TMC2: variants seen among roughly 807,000 people sequenced by gnomAD.
The protein encoded by TMC2 is transmembrane channel like 2.
A neutral mutation model predicts 105.9 loss-of-function variants in TMC2; 102 were observed. The ratio of observed to expected loss-of-function variants is 0.96; its 90% CI spans 0.82 to 1.14. The LOEUF (loss-of-function observed/expected upper bound fraction) is 1.14. Ranked by LOEUF, TMC2 falls within the 50% of genes most tolerant of loss-of-function variation. The pLI, the probability that TMC2 is intolerant of heterozygous loss-of-function variation, is 0.00. For missense variants in TMC2, 1,093 were observed against 1,134.3 expected (o/e 0.96, Z 0.52); for synonymous variants, 402 against 422.8 (o/e 0.95, Z 0.60).
chr20:2,550,016 C>T (rs1433113338), intron 2 of TMC2, among the ~76,000 whole-genome samples: 1 of 152,042 alleles, frequency 6.6e-6, no homozygotes, highest in Non-Finnish European at 1.5e-5. Flanking sequence ...AACCCCGTCT[C>T]TACTAAAAAT....
chr20:2,606,448 C>G (rs2086392363), intron 11 of TMC2, among the ~76,000 whole-genome samples: 1 of 152,078 alleles, frequency 6.6e-6, no homozygotes, highest in African/African-American at 2.4e-5. Flanking sequence ...TTAGTAGAGA[C>G]AGGGTTTCAC....
At position 2,561,941 on chromosome 20, in the gene TMC2, A is replaced by T. The variant is rs1568505724; in HGVS notation, c.485A>T (p.Glu162Val). The part of the protein sequence containing the change: ...ELAQILEQVE[E>V]KKKLIATMRS... ...GCCCAGATCCTGGAGCAGGTGGAAG[A>T]AAAAAAGAAGCTCATTGCCACCATG... The change falls in exon 4 of 20, where the codon GAA becomes GTA. Residue 162 changes from glutamate to valine, a missense_variant. Physicochemically the swap from Glu to Val is moderately radical, Grantham distance 121. Coordinates refer to ENST00000358864, the MANE Select transcript of TMC2 (RefSeq NM_080751.3). 4 of 1,614,060 alleles carry T rather than the reference A, an allele frequency of 2.5e-6. No individual in the cohort carries two copies. The highest frequency in any genetic ancestry group is 2.7e-5 in the African/African-American group (2 of 74,930).
In TMC2 at chr20:2,616,059, G is replaced by T; in HGVS notation, c.1873-78G>T. On this transcript the variant is annotated intron_variant, in intron 14 of 19. Coordinates refer to ENST00000358864, the MANE Select transcript of TMC2 (RefSeq NM_080751.3). This position sits in a 1 kb window ranked among gnomAD's most constrained non-coding sequence, Gnocchi z 4.8. ...ATGGCCTTGGCTTGGCCAGTTGGTTGGTAGTAGGGTTTGGCTGAATTCACC... is the reference window on the plus strand; with the variant it reads ...ATGGCCTTGGCTTGGCCAGTTGGTTTGTAGTAGGGTTTGGCTGAATTCACC... The T allele has an allele frequency of 8.4e-7, 1 of 1,189,920 alleles. No homozygotes were observed. The highest frequency in any genetic ancestry group is 1.2e-6 in the Non-Finnish European group (1 of 814,326). The allele number at this position is 1,189,920 out of a possible 1,614,324, so 73.7% of individuals were successfully genotyped here. A position where few individuals can be genotyped will look rare whatever the true frequency, so the allele number is the denominator to read the frequency against.
chr20:2,555,300 C>T (rs1277637274), intron 2 of TMC2, among the ~76,000 whole-genome samples: 2 of 151,732 alleles, frequency 1.3e-5, no homozygotes, highest in Admixed American at 1.3e-4. Context: ...ACGCTGGTCT[C>T]GAACACCTGA....
intron 7 of TMC2, among the ~76,000 whole-genome samples, chr20:2,581,550 T>G (rs1419280784): frequency 6.6e-6 from 1 of 152,240 alleles, no homozygotes; most frequent in Admixed American, 6.5e-5. Context: ...GGAAGTCTCA[T>G]TTATCTCCTC....
chr20:2,624,213 G>A, intron 16 of TMC2, 58 bp from the exon 17 acceptor site: 1 of 1,575,992 alleles, frequency 6.3e-7, no homozygotes, highest in East Asian at 2.3e-5. Context: ...CATGGACACA[G>A]CTGTGAATGC....
chr20:2,575,196 T>C (rs2086134797), intron 5 of TMC2, among the ~76,000 whole-genome samples: 1 of 152,266 alleles, frequency 6.6e-6, no homozygotes, highest in Non-Finnish European at 1.5e-5. Context: ...AGTATATTTT[T>C]TTTCTAGATT....
chr20:2,605,678 C>G (rs376345441), intron 11 of TMC2, among the ~76,000 whole-genome samples: 1 of 152,080 alleles, frequency 6.6e-6, no homozygotes, highest in East Asian at 1.9e-4. Context: ...CCATAAAGTC[C>G]AAAGAGACAA....
chr20:2,607,529 T>C (rs960904268), intron 11 of TMC2, among the ~76,000 whole-genome samples: 12 of 152,202 alleles, frequency 7.9e-5, no homozygotes, highest in Admixed American at 7.8e-4. Context: ...CCGAGCAGAG[T>C]TCCTCACAGT....
intron 11 of TMC2, among the ~76,000 whole-genome samples, chr20:2,605,193 G>C (rs570332053): frequency 6.6e-6 from 1 of 152,228 alleles, no homozygotes; most frequent in Admixed American, 6.5e-5. Context: ...GGTTGGTATG[G>C]GAAAAAATTT....
At chr20:2,590,531 C>A (rs984203399) in intron 7 of TMC2, among the ~76,000 whole-genome samples, 2 of 151,338 alleles carry the variant, frequency 1.3e-5, no homozygotes, top group African/African-American at 4.9e-5. Context: ...AAATGAAGAA[C>A]CTATAAATTA....
rs367574424 is a variant in TMC2 at position 2,613,274 on chromosome 20, T to G, written c.1824T>G (p.Phe608Leu). The change falls in exon 14 of 20, where the codon TTT becomes TTG. Residue 608 changes from phenylalanine (F) to leucine (L), a missense_variant. Transcript: ENST00000358864. ...ILLGDFLRAC[F>L]VRFMNYCWCW... ...TGGGGGACTTCCTACGGGCTTGTTTTGTGCGGTTCATGAACTACTGCTGGT... is the reference window on the plus strand; with the variant it reads ...TGGGGGACTTCCTACGGGCTTGTTTGGTGCGGTTCATGAACTACTGCTGGT... The G allele has an allele frequency of 2.1e-5, 34 of 1,614,046 alleles. No individual in the cohort carries two copies. The highest frequency in any genetic ancestry group is 2.8e-5 in the Non-Finnish European group (33 of 1,180,016).
chr20:2,636,492 A>ACACACACACG (rs1252208519), intron 18 of TMC2, among the ~76,000 whole-genome samples: 11 of 147,968 alleles, frequency 7.4e-5, no homozygotes, highest in African/African-American at 2.8e-4. Flanking sequence ...ACACACACAC[A>ACACACACACG]CGCACACACC....
At chr20:2,564,617 C>T (rs911973185) in intron 4 of TMC2, among the ~76,000 whole-genome samples, 2 of 152,172 alleles carry the variant, frequency 1.3e-5, no homozygotes, top group African/African-American at 4.8e-5. Flanking sequence ...AGCCTTGATG[C>T]CTATGGAAAT....
chr20:2,624,114 A>T (rs766765812), intron 16 of TMC2, among the ~76,000 whole-genome samples, 157 bp from the exon 17 acceptor site: 19 of 152,172 alleles, frequency 1.2e-4, no homozygotes, highest in Admixed American at 2.6e-4. Context: ...CTCAGGGGGA[A>T]TTTTTTACTT....
chr20:2,608,630 C>T (rs1472578381), intron 11 of TMC2, among the ~76,000 whole-genome samples: 2 of 152,032 alleles, frequency 1.3e-5, no homozygotes, highest in African/African-American at 4.8e-5. Flanking sequence ...ACCTAGCCCC[C>T]AATTGTACCT....
At chr20:2,566,659 C>A (rs570081770) in intron 4 of TMC2, among the ~76,000 whole-genome samples, 1 of 152,254 alleles carries the variant, frequency 6.6e-6, no homozygotes, top group East Asian at 1.9e-4. Context: ...AATGAAAACC[C>A]TGAATGCCAT....
At chr20:2,606,936 G>A (rs1199395690) in intron 11 of TMC2, among the ~76,000 whole-genome samples, 1 of 107,568 alleles carries the variant, frequency 9.3e-6, no homozygotes, top group Non-Finnish European at 1.8e-5. Context: ...CCTTTTTCTG[G>A]GTTTTTCTAA....
At chr20:2,561,824 C>T (rs1333407488) in intron 3 of TMC2, 34 bp from the exon 4 acceptor site, 12 of 1,598,032 alleles carry the variant, frequency 7.5e-6, no homozygotes, top group Non-Finnish European at 1.0e-5. Flanking sequence ...TCCTTTCCAA[C>T]TTCCCTCTGC....
Sources: gnomAD v4.1 joint callset for allele counts (sites outside exome capture counted in the v4.1 genomes callset) on GRCh38, gnomAD v4.1.1 for gene constraint, Gnocchi (gnomAD v3.1) non-coding constraint, MANE v1.5 for transcripts, NCBI Gene and HGNC (gene_info 2026-07-23, HGNC 2026-07-21) for gene names.